The following NRG2 variants were observed in gnomAD, a reference collection of about 807,000 sequenced individuals.
The protein encoded by NRG2 is neuregulin 2.
Under a neutral mutation model 73.9 loss-of-function variants are expected in NRG2, and 27 were observed. The ratio of observed to expected loss-of-function variants is 0.37; its 90% CI spans 0.27 to 0.50. The LOEUF (loss-of-function observed/expected upper bound fraction) is 0.50, where lower values mean the gene tolerates loss of function less well. NRG2 is among the 20% of genes least tolerant of loss of function. The pLI is 0.96. For synonymous variants in NRG2, 532 were observed against 541.0 expected (o/e 0.98, Z 0.23); for missense variants, 1,126 against 1,210.1 (o/e 0.93, Z 1.03).
intron 2 of NRG2, among the ~76,000 whole-genome samples, chr5:139,886,529 G>C (rs1221125482): frequency 6.6e-6 from 1 of 152,244 alleles, no homozygotes; most frequent in African/African-American, 2.4e-5. Flanking sequence ...GAGCTCCTCA[G>C]TCAGAGAGGG....
At chr5:140,028,137 G>T (rs1185962594) in intron 1 of NRG2, among the ~76,000 whole-genome samples, 1 of 152,162 alleles carries the variant, frequency 6.6e-6, no homozygotes, top group East Asian at 1.9e-4. Flanking sequence ...CCAGGAAAAG[G>T]CCATTAGTAA....
intron 3 of NRG2, among the ~76,000 whole-genome samples, chr5:139,877,697 T>C (rs915310855): frequency 6.6e-6 from 1 of 152,224 alleles, no homozygotes; most frequent in African/African-American, 2.4e-5. Flanking sequence ...GTGTGCGTAC[T>C]GGTTAGGTGC....
intron 1 of NRG2, among the ~76,000 whole-genome samples, chr5:139,891,629 TAA>T (rs35065387): frequency 6.9e-6 from 1 of 145,746 alleles, no homozygotes. Context: ...ATGAGACAGT[TAA>T]AAAAAAAAAG....
At chr5:139,993,473 C>T (rs1302259429) in intron 1 of NRG2, among the ~76,000 whole-genome samples, 2 of 152,148 alleles carry the variant, frequency 1.3e-5, no homozygotes, top group Non-Finnish European at 2.9e-5. Context: ...CATGGGAGCT[C>T]GCTAGTATCG....
intron 1 of NRG2, among the ~76,000 whole-genome samples, chr5:139,982,854 T>G (rs1206134120): frequency 6.6e-6 from 1 of 152,128 alleles, no homozygotes; most frequent in Admixed American, 6.5e-5. Context: ...GCAGAATGAA[T>G]GGGGGAAATT....
At position 139,878,368 on chromosome 5, in the gene NRG2, G is replaced by C. The variant is rs897215449; in HGVS notation, c.991+2488C>G. 2.0e-5 allele frequency among the ~76,000 whole-genome samples: 3 copies of C among 152,310 alleles called. No homozygotes were observed. The East Asian group carries it at 5.8e-4, about 29-fold the overall frequency. On this transcript the variant is annotated intron_variant, in intron 3 of 9. Transcript: ENST00000361474. ...ATCCATCCTTGTGACTGTACTTATG[G>C]ACACAGAGACAAAGCCATCTCTTTT...
Position 139,853,027 on chromosome 5 carries a change from T to G in NRG2, c.1293A>C (p.Lys431Asn). 6.2e-7 allele frequency: 1 copy of G among 1,613,536 alleles called. No homozygotes were observed. The highest frequency in any genetic ancestry group is 8.5e-7 in the Non-Finnish European group (1 of 1,179,762). ...IVCVVAYCKT[K>N]KQRKQMHNHL... ...GGTTGTGCATCTGCTTCCGCTGTTTTCTGCACAAGGGAAGGGAAGGTGAGG... is the reference window on the plus strand; with the variant it reads ...GGTTGTGCATCTGCTTCCGCTGTTTGCTGCACAAGGGAAGGGAAGGTGAGG... Residue 431 changes from lysine (K) to asparagine (N), a missense_variant and splice_region_variant, in exon 7 of 10, where the codon AAA becomes AAC. Transcript: ENST00000361474. This position sits in a 1 kb window ranked among gnomAD's most constrained non-coding sequence, Gnocchi z 4.1.
Position 139,851,196 on chromosome 5 carries a change from CA to C in NRG2, c.1772+407del, listed in dbSNP as rs2126997849. On this transcript the variant is annotated intron_variant, in intron 9 of 9. Coordinates refer to ENST00000361474, the MANE Select transcript of NRG2 (RefSeq NM_004883.3). This position sits in a 1 kb window ranked among gnomAD's most constrained non-coding sequence, Gnocchi z 4.2. ...AAGATGGGGGTTTCACCATGTTGGC[CA>C]GACTAGTCTCAAACTCCTGACCTCA... Among the ~76,000 whole-genome samples the C allele has an allele frequency of 6.6e-6, 1 of 152,220 alleles. No individual in the cohort carries two copies. Among genetic ancestry groups the C allele is most frequent in the Non-Finnish European group, 1.5e-5 (1 of 68,010 alleles).
intron 1 of NRG2, among the ~76,000 whole-genome samples, chr5:140,017,445 G>C (rs1359231851): frequency 6.6e-6 from 1 of 152,110 alleles, no homozygotes; most frequent in African/African-American, 2.4e-5. Flanking sequence ...AAATTCTGTA[G>C]ACAGGAAAGA....
In NRG2 at chr5:139,954,432, C is replaced by T. The variant is rs1046490879; in HGVS notation, c.701-66921G>A. On this transcript the variant is annotated intron_variant, in intron 1 of 9. Transcript: ENST00000361474. The surrounding 1 kb of genome is among the most constrained non-coding windows in gnomAD (Gnocchi z 5.0). ...TTGTGCCAGCACTCTCCTGGCTGTCCTGCCTGTTTTCTCCCTTCCAATTCA... is the reference window on the plus strand; with the variant it reads ...TTGTGCCAGCACTCTCCTGGCTGTCTTGCCTGTTTTCTCCCTTCCAATTCA... Among the ~76,000 whole-genome samples the T allele has an allele frequency of 6.6e-6, 1 of 152,200 alleles. No individual in the cohort carries two copies. Among genetic ancestry groups the T allele is most frequent in the African/African-American group, 2.4e-5 (1 of 41,452 alleles).
At chr5:139,940,479 C>A (rs965731808) in intron 1 of NRG2, among the ~76,000 whole-genome samples, 1 of 152,136 alleles carries the variant, frequency 6.6e-6, no homozygotes, top group African/African-American at 2.4e-5. Context: ...TACCTGACTG[C>A]ATACATTTGC....
rs1764029905 is a variant in NRG2, at chr5:139,888,710, C to T, written c.701-1199G>A. On this transcript the variant is annotated intron_variant, in intron 1 of 9. Transcript: ENST00000361474. ...GAGTAGATGAGAGGGGCACAGGGCA[C>T]AGAGGAAGCACAGAAAGGAAGACTT... Among the ~76,000 whole-genome samples the T allele has an allele frequency of 1.3e-5, 2 of 152,058 alleles. 1 individual carries two copies. Among genetic ancestry groups the T allele is most frequent in the Admixed American group, 1.3e-4 (2 of 15,274 alleles).
intron 1 of NRG2, among the ~76,000 whole-genome samples, chr5:139,951,047 C>T (rs865954988): frequency 6.6e-5 from 10 of 152,236 alleles, no homozygotes; most frequent in Admixed American, 3.3e-4. Flanking sequence ...TGTTGTCACA[C>T]TGCAGAGAAG....
chr5:140,027,928 G>A (rs1315430060), intron 1 of NRG2, among the ~76,000 whole-genome samples: 1 of 152,198 alleles, frequency 6.6e-6, no homozygotes, highest in African/African-American at 2.4e-5. Flanking sequence ...AGGAGCCACA[G>A]GGTAGAACAA....
chr5:139,867,276 A>G (rs1762523536), intron 4 of NRG2, among the ~76,000 whole-genome samples: 1 of 152,090 alleles, frequency 6.6e-6, no homozygotes, highest in African/African-American at 2.4e-5. Context: ...CATCTCCCCC[A>G]GGGGAGGCAG....
At chr5:139,885,943 C>T (rs1763832999) in intron 2 of NRG2, among the ~76,000 whole-genome samples, 1 of 151,980 alleles carries the variant, frequency 6.6e-6, no homozygotes, top group Non-Finnish European at 1.5e-5. Context: ...GAAGCCTGCC[C>T]ATTCTCTCCA....
chr5:139,854,940 G>A (rs370483941), intron 6 of NRG2, among the ~76,000 whole-genome samples: 4 of 152,274 alleles, frequency 2.6e-5, no homozygotes, highest in South Asian at 4.1e-4. Flanking sequence ...ACTCATGCCC[G>A]CTTTTTTCCT....
chr5:139,914,492 G>GTA (rs1295716697), intron 1 of NRG2, among the ~76,000 whole-genome samples: 3 of 152,098 alleles, frequency 2.0e-5, no homozygotes, highest in African/African-American at 7.2e-5. Context: ...CCCAGTATGT[G>GTA]TATATACACA....
intron 1 of NRG2, among the ~76,000 whole-genome samples, chr5:139,938,964 G>GGGAAGGAAGGA (rs1753141737): frequency 8.2e-6 from 1 of 121,948 alleles, no homozygotes; most frequent in Non-Finnish European, 1.7e-5. Context: ...AAAGAAAAAA[G>GGGAAGGAAGGA]AAGGAAGGAA....
Sources: gnomAD v4.1 joint callset for allele counts (sites outside exome capture counted in the v4.1 genomes callset) on GRCh38, gnomAD v4.1.1 for gene constraint, Gnocchi (gnomAD v3.1) non-coding constraint, MANE v1.5 for transcripts, NCBI Gene and HGNC (gene_info 2026-07-23, HGNC 2026-07-21) for gene names.